ALKAL1: variants seen among roughly 807,000 people sequenced by gnomAD.
ALKAL1 encodes AUG-beta.
Under a neutral mutation model 13.5 loss-of-function variants are expected in ALKAL1, and 23 were observed. That is an observed-to-expected ratio of 1.70 (90% CI 1.23 to 2.41). The LOEUF is 2.41. Among genes scored for constraint, ALKAL1 ranks in the 30% most tolerant of loss-of-function variants. The pLI is 0.00. For missense variants in ALKAL1, 181 were observed against 178.4 expected (o/e 1.01, Z -0.08); for synonymous variants, 85 against 77.7 (o/e 1.09, Z -0.49).
At chr8:52,557,947 C>G (rs1367665946) in intron 1 of ALKAL1, among the ~76,000 whole-genome samples, 1 of 145,950 alleles carries the variant, frequency 6.9e-6, no homozygotes, top group Non-Finnish European at 1.5e-5. Context: ...GCCTGGGCAA[C>G]CAGAGTGAGA....
At chr8:52,554,282 C>T (rs552340582) in intron 1 of ALKAL1, among the ~76,000 whole-genome samples, 3 of 152,238 alleles carry the variant, frequency 2.0e-5, no homozygotes, top group Admixed American at 6.5e-5. Flanking sequence ...CATTTCACAC[C>T]GTGATAAGAT....
rs543989925 is a variant in ALKAL1 at position 52,565,308 on chromosome 8, G to A, written c.-52C>T. The A allele has an allele frequency of 1.4e-5, 18 of 1,254,718 alleles. No homozygotes were observed. The East Asian group carries it at 5.1e-4, about 35-fold the overall frequency. 77.7% of individuals were successfully genotyped at this position (1,254,718 alleles called of 1,614,324 possible). On this transcript the variant is annotated 5_prime_UTR_variant, in exon 1 of 5. Transcript: ENST00000358543. Reference sequence around the variant, plus strand: ...GAGACTCCGGGAGGATCCCGACGCAGGTCCGGAGGGTGCGCGGCCCAAGAG... The same window carrying A: ...GAGACTCCGGGAGGATCCCGACGCAAGTCCGGAGGGTGCGCGGCCCAAGAG...
chr8:52,535,864 G>A (rs1847261776), intron 4 of ALKAL1, among the ~76,000 whole-genome samples: 1 of 152,122 alleles, frequency 6.6e-6, no homozygotes, highest in Non-Finnish European at 1.5e-5. Flanking sequence ...ATGCAGTTAT[G>A]TGGGATATAT....
chr8:52,565,044 G>A (rs962306503), intron 1 of ALKAL1, 23 bp downstream of exon 1: 33 of 1,360,758 alleles, frequency 2.4e-5, no homozygotes, highest in Non-Finnish European at 3.1e-5. Flanking sequence ...GGCAAAGGAT[G>A]GGGCGGGATG....
At chr8:52,535,848 A>C (rs1214538082) in intron 4 of ALKAL1, among the ~76,000 whole-genome samples, 4 of 152,154 alleles carry the variant, frequency 2.6e-5, no homozygotes, top group African/African-American at 7.2e-5. Context: ...GTTTAAGTAA[A>C]TCTCCATGCA....
intron 1 of ALKAL1, among the ~76,000 whole-genome samples, chr8:52,562,856 C>T (rs1171957253): frequency 1.3e-5 from 2 of 152,108 alleles, no homozygotes; most frequent in African/African-American, 4.8e-5. Context: ...ATAACCCCTG[C>T]CACCTGCTGA....
At chr8:52,545,063 G>A (rs547595358) in intron 1 of ALKAL1, among the ~76,000 whole-genome samples, 6 of 152,062 alleles carry the variant, frequency 3.9e-5, no homozygotes, top group African/African-American at 7.2e-5. Context: ...TTAGAGGCAC[G>A]AGCCACCAAA....
chr8:52,563,617 C>A, intron 1 of ALKAL1, among the ~76,000 whole-genome samples: 1 of 152,178 alleles, frequency 6.6e-6, no homozygotes, highest in East Asian at 1.9e-4. Flanking sequence ...ACATTTTATT[C>A]TCTGAGATAA....
At chr8:52,555,127 C>T (rs973001200) in intron 1 of ALKAL1, among the ~76,000 whole-genome samples, 13 of 150,150 alleles carry the variant, frequency 8.7e-5, no homozygotes, top group Non-Finnish European at 1.2e-4. Flanking sequence ...GCCGAGATTG[C>T]GCCACTGCAC....
At chr8:52,565,002 T>C (rs1335665392) in intron 1 of ALKAL1, 65 bp downstream of exon 1, 154 of 1,266,736 alleles carry the variant, frequency 1.2e-4, no homozygotes, top group Non-Finnish European at 1.5e-4. Flanking sequence ...CTCGCCCAGC[T>C]CCTAGGGGAA....
intron 1 of ALKAL1, among the ~76,000 whole-genome samples, chr8:52,563,801 C>T (rs1479283137): frequency 1.3e-5 from 2 of 152,246 alleles, no homozygotes; most frequent in East Asian, 3.9e-4. Flanking sequence ...GGCAGCCCAC[C>T]TCAGCCTCCC....
At chr8:52,560,261 C>T (rs889645893) in intron 1 of ALKAL1, among the ~76,000 whole-genome samples, 5 of 152,122 alleles carry the variant, frequency 3.3e-5, no homozygotes, top group Non-Finnish European at 7.3e-5. Flanking sequence ...GACTACACAT[C>T]TTTCACGTAT....
intron 2 of ALKAL1, 48 bp from the exon 3 acceptor site, chr8:52,539,959 C>A: frequency 6.5e-7 from 1 of 1,545,006 alleles, no homozygotes; most frequent in Non-Finnish European, 8.9e-7. Context: ...GCATGTTTTC[C>A]AAACAAATTT....
chr8:52,545,759 T>C lies in ALKAL1; in HGVS notation c.191-3314A>G, dbSNP rs143030831. Among the ~76,000 whole-genome samples the C allele has an allele frequency of 1.1e-4, 16 of 152,364 alleles. No homozygotes were observed. The East Asian group carries it at 3.1e-3, about 29-fold the overall frequency. ...TAAACTTTCTAAATTGATTGAGACC[T>C]GTCTCAGATACTTTTTGGTTTACAG... is the stretch of plus-strand genomic sequence containing the variant. On this transcript the variant is annotated intron_variant, in intron 1 of 4. Transcript: ENST00000358543.
chr8:52,541,380 T>C (rs1273841965), intron 2 of ALKAL1, among the ~76,000 whole-genome samples: 1 of 152,114 alleles, frequency 6.6e-6, no homozygotes, highest in Admixed American at 6.5e-5. Flanking sequence ...GAGGTGGAAG[T>C]ATCCCTTGAG....
rs1218202145 is a variant in ALKAL1, at chr8:52,548,721, G to A, written c.191-6276C>T. Among the ~76,000 whole-genome samples, 5 of 151,614 alleles carry A rather than the reference G, an allele frequency of 3.3e-5. No individual in the cohort carries two copies. The East Asian group carries it at 9.6e-4, about 29-fold the overall frequency. On this transcript the variant is annotated intron_variant, in intron 1 of 4. Coordinates refer to ENST00000358543, the MANE Select transcript of ALKAL1 (RefSeq NM_207413.4). ...AGGGTTAAAATCAAACAGATCTCTAGGTAATGCATGATCATTATCTTGGAA... is the reference window on the plus strand; with the variant it reads ...AGGGTTAAAATCAAACAGATCTCTAAGTAATGCATGATCATTATCTTGGAA...
chr8:52,535,820 C>T (rs1847261206), intron 4 of ALKAL1, among the ~76,000 whole-genome samples: 1 of 152,082 alleles, frequency 6.6e-6, no homozygotes, highest in Non-Finnish European at 1.5e-5. Flanking sequence ...GTAATTGTCA[C>T]AACAAAACTG....
chr8:52,564,766 G>GT (rs1171752935), intron 1 of ALKAL1, among the ~76,000 whole-genome samples: 1 of 152,142 alleles, frequency 6.6e-6, no homozygotes, highest in East Asian at 1.9e-4. Context: ...TCGGTCGGTG[G>GT]GACTGAAACC....
chr8:52,556,262 G>T (rs998554149), intron 1 of ALKAL1, among the ~76,000 whole-genome samples: 14 of 152,150 alleles, frequency 9.2e-5, no homozygotes, highest in African/African-American at 3.4e-4. Context: ...TTTTACCAAA[G>T]TAATGTAAAA....
Sources: allele counts gnomAD v4.1 joint callset (sites outside exome capture counted in the v4.1 genomes callset), GRCh38; gene constraint gnomAD v4.1.1; transcripts MANE v1.5; gene names NCBI Gene and HGNC (gene_info 2026-07-23, HGNC 2026-07-21).